The following CAPZB variants were observed in gnomAD, a reference collection of about 807,000 sequenced individuals.
CAPZB encodes the protein F-actin-capping protein subunit beta.
A neutral mutation model predicts 38.1 loss-of-function variants in CAPZB; 2 were observed. That is an observed-to-expected ratio of 0.05 (90% CI 0.02 to 0.17). CAPZB has a LOEUF of 0.17. Ranked by LOEUF, CAPZB falls within the 10% of genes least tolerant of loss-of-function variation. The probability of loss-of-function intolerance (pLI) is 1.00; values close to 1 mark genes in which losing one functional copy is unlikely to be tolerated. For synonymous variants in CAPZB, 107 were observed against 127.4 expected (o/e 0.84, Z 1.08); for missense variants, 161 against 334.2 (o/e 0.48, Z 4.04).
chr1:19,398,717 T>A (rs1234562954), intron 2 of CAPZB, among the ~76,000 whole-genome samples: 1 of 151,778 alleles, frequency 6.6e-6, no homozygotes, highest in African/African-American at 2.4e-5. Flanking sequence ...GGAGGGGACA[T>A]CTCCAGGGGG....
At chr1:19,381,684 A>ATT (rs869210528) in intron 3 of CAPZB, among the ~76,000 whole-genome samples, 3,399 of 84,546 alleles carry the variant, frequency 0.04, 294 homozygotes, top group South Asian at 0.088. Flanking sequence ...TGCCCAGCTA[A>ATT]TTTTTTTTTT....
At chr1:19,404,543 TAAAA>T (rs11356951) in intron 2 of CAPZB, among the ~76,000 whole-genome samples, 1 of 128,028 alleles carries the variant, frequency 7.8e-6, no homozygotes, top group African/African-American at 2.9e-5. Flanking sequence ...AACTCCATGT[TAAAA>T]AAAAAAAAAA....
intron 6 of CAPZB, among the ~76,000 whole-genome samples, chr1:19,355,909 T>C (rs984080118): frequency 6.6e-6 from 1 of 152,162 alleles, no homozygotes; most frequent in African/African-American, 2.4e-5. Flanking sequence ...CCCAGATGCT[T>C]ATGGGAGCAT....
intron 1 of CAPZB, chr1:19,448,822 A>G (rs1463680169): frequency 1.2e-6 from 2 of 1,612,610 alleles, no homozygotes; most frequent in Admixed American, 3.3e-5. Context: ...TCAGATCTAA[A>G]GTGCGTGTCA....
chr1:19,341,416 C>G (rs1307538210), intron 8 of CAPZB, among the ~76,000 whole-genome samples: 2 of 152,286 alleles, frequency 1.3e-5, no homozygotes, highest in East Asian at 1.9e-4. Context: ...GCCAAGCCCG[C>G]CAGGTCTTGG....
chr1:19,462,412 C>G (rs2094554880), intron 1 of CAPZB, among the ~76,000 whole-genome samples: 1 of 150,704 alleles, frequency 6.6e-6, no homozygotes, highest in Admixed American at 6.6e-5. Context: ...GAGCTGAGAT[C>G]GTGCCACTGC....
Position 19,471,559 on chromosome 1 carries a change from T to C in CAPZB, c.3+13877A>G, listed in dbSNP as rs1261108202. 3.8e-5 allele frequency among the ~76,000 whole-genome samples: 4 copies of C among 104,156 alleles called. No individual in the cohort carries two copies. In the East Asian group the frequency reaches 1.0e-3, roughly 27 times the overall value. 68.3% of individuals were successfully genotyped at this position (104,156 alleles called of 152,430 possible). On this transcript the variant is annotated intron_variant, in intron 1 of 8. Transcript: ENST00000264202. ...GGAACCATGGCAACCAGTTCTTGTC[T>C]GTTACGTCGAGAAATGCTTCCTCGG...
At chr1:19,350,182 A>AGCGCGACCCGCAGG (rs1553267816) in intron 6 of CAPZB, among the ~76,000 whole-genome samples, 1 of 152,222 alleles carries the variant, frequency 6.6e-6, no homozygotes, top group East Asian at 1.9e-4. Context: ...GGCATCTTCT[A>AGCGCGACCCGCAGG]GCGCGACCCG....
At chr1:19,445,082 AG>A (rs1036094720) in intron 1 of CAPZB, among the ~76,000 whole-genome samples, 2 of 152,200 alleles carry the variant, frequency 1.3e-5, no homozygotes, top group Non-Finnish European at 2.9e-5. Context: ...TTTGACACAA[AG>A]ATATCCATTT....
Position 19,357,331 on chromosome 1 carries a change from C to T in CAPZB, c.471+91G>A. ...TAGGGGTTCAGAGATCACAGCATCC[C>T]CCTACTGCATCTGTTAGAGAGCAGC... On this transcript the variant is annotated intron_variant, in intron 5 of 8. Transcript: ENST00000264202. The surrounding 1 kb of genome is among the most constrained non-coding windows in gnomAD (Gnocchi z 4.3). The T allele has an allele frequency of 8.4e-7, 1 of 1,183,610 alleles. No individual in the cohort carries two copies. Among genetic ancestry groups the T allele is most frequent in the South Asian group, 1.3e-5 (1 of 74,552 alleles). 73.3% of individuals were successfully genotyped at this position (1,183,610 alleles called of 1,614,324 possible).
chr1:19,441,195 C>T (rs114005578), intron 1 of CAPZB, among the ~76,000 whole-genome samples: 3,941 of 152,242 alleles, frequency 0.026, 70 homozygotes, highest in African/African-American at 0.04. Flanking sequence ...GTTAGCTCAC[C>T]CTGCATTCCT....
Position 19,338,829 on chromosome 1 carries a change from T to C in CAPZB, c.*701A>G, listed in dbSNP as rs1251810908. On this transcript the variant is annotated 3_prime_UTR_variant, in exon 9 of 9. Transcript: ENST00000264202. ...TTCTTTTCTTTTCTTTTTTTAAGTATGGAGGCTCAAGTATAAGATGTAGAT... is the reference window on the plus strand; with the variant it reads ...TTCTTTTCTTTTCTTTTTTTAAGTACGGAGGCTCAAGTATAAGATGTAGAT... 6.6e-6 allele frequency: 1 copy of C among 152,504 alleles called. No homozygotes were observed. The highest frequency in any genetic ancestry group is 1.5e-5 in the Non-Finnish European group (1 of 68,044). 9.4% of individuals were successfully genotyped at this position (152,504 alleles called of 1,614,324 possible). A position where few individuals can be genotyped will look rare whatever the true frequency, so the allele number is the denominator to read the frequency against.
Position 19,462,180 on chromosome 1 carries a change from C to T in CAPZB, c.3+23256G>A, listed in dbSNP as rs552307805. Among the ~76,000 whole-genome samples the T allele has an allele frequency of 3.3e-5, 5 of 151,542 alleles. No homozygotes were observed. In the South Asian group the frequency reaches 6.2e-4, roughly 19 times the overall value. Reference sequence around the variant, plus strand: ...AAAAAAAAAAAATTAAGGCCAGGCGCGGTGGCTCATGCCTGTAATACTAGC... The same window carrying T: ...AAAAAAAAAAAATTAAGGCCAGGCGTGGTGGCTCATGCCTGTAATACTAGC... On this transcript the variant is annotated intron_variant, in intron 1 of 8. Coordinates refer to ENST00000264202, the MANE Select transcript of CAPZB (RefSeq NM_004930.5).
intron 2 of CAPZB, among the ~76,000 whole-genome samples, chr1:19,409,366 C>T (rs1338140355): frequency 6.6e-6 from 1 of 151,948 alleles, no homozygotes; most frequent in Non-Finnish European, 1.5e-5. Flanking sequence ...ATCCACCCAC[C>T]AAGCAGAAGG....
chr1:19,342,922 G>C, intron 8 of CAPZB: 1 of 1,028,106 alleles, frequency 9.7e-7, no homozygotes, highest in Non-Finnish European at 1.5e-6. Context: ...GAGAAGCCAG[G>C]AACGCAGGGG....
At chr1:19,436,478 T>C (rs2094458525) in intron 1 of CAPZB, among the ~76,000 whole-genome samples, 1 of 152,144 alleles carries the variant, frequency 6.6e-6, no homozygotes, top group Non-Finnish European at 1.5e-5. Context: ...AATTTCTCAA[T>C]TTAATAAAGG....
chr1:19,453,659 G>A lies in CAPZB; in HGVS notation c.3+31777C>T, dbSNP rs530767434. On this transcript the variant is annotated intron_variant, in intron 1 of 8. Transcript: ENST00000264202. ...CTGGAAGGCCTCTCTCTCCTTCTAGGTCTTCCCTGTCACCTGACTTCACAA... is the reference window on the plus strand; with the variant it reads ...CTGGAAGGCCTCTCTCTCCTTCTAGATCTTCCCTGTCACCTGACTTCACAA... Among the ~76,000 whole-genome samples, 169 of 152,188 alleles carry A rather than the reference G, an allele frequency of 1.1e-3. 1 individual carries two copies. The highest frequency in any genetic ancestry group is 3.9e-3 in the African/African-American group (160 of 41,502).
At chr1:19,476,206 AG>A (rs879831307) in intron 1 of CAPZB, among the ~76,000 whole-genome samples, 4,569 of 151,586 alleles carry the variant, frequency 0.03, 172 homozygotes, top group East Asian at 0.11. Flanking sequence ...ATAGATAGAT[AG>A]ATAGATAGAT....
intron 1 of CAPZB, among the ~76,000 whole-genome samples, chr1:19,472,709 ATTTTTT>A (rs11334966): frequency 1.6e-5 from 1 of 61,166 alleles, no homozygotes; most frequent in South Asian, 8.6e-4. Context: ...TTCATTCTTC[ATTTTTT>A]TTTTTTTTTT....
Sources: gnomAD v4.1 joint callset for allele counts (sites outside exome capture counted in the v4.1 genomes callset) on GRCh38, gnomAD v4.1.1 for gene constraint, Gnocchi (gnomAD v3.1) non-coding constraint, MANE v1.5 for transcripts, NCBI Gene and HGNC (gene_info 2026-07-23, HGNC 2026-07-21) for gene names.